CPNE4: variants seen among roughly 807,000 people sequenced by gnomAD.
The protein encoded by CPNE4 is copine 4, also known as copine-4.
In CPNE4, 25 loss-of-function variants were observed where a neutral mutation model predicts 67.9. The ratio of observed to expected loss-of-function variants is 0.37; its 90% CI spans 0.27 to 0.51. The LOEUF (loss-of-function observed/expected upper bound fraction) is 0.51. Among genes scored for constraint, CPNE4 ranks in the 20% least tolerant of loss-of-function variants. The probability of loss-of-function intolerance (pLI) is 0.93; values close to 1 mark genes in which losing one functional copy is unlikely to be tolerated. For synonymous variants in CPNE4, 242 were observed against 244.9 expected, an observed-to-expected ratio of 0.99 and a Z score of 0.11; for missense variants, 464 against 690.8, an observed-to-expected ratio of 0.67 and a Z score of 3.68.
At chr3:131,683,654 C>A (rs937302974) in intron 6 of CPNE4, among the ~76,000 whole-genome samples, 6 of 152,110 alleles carry the variant, frequency 3.9e-5, no homozygotes, top group African/African-American at 1.4e-4. Context: ...CCCTTGGTGA[C>A]TTTGGCTGGT....
chr3:131,876,360 C>T (rs1027174886), intron 2 of CPNE4, among the ~76,000 whole-genome samples: 4 of 151,504 alleles, frequency 2.6e-5, no homozygotes, highest in South Asian at 2.1e-4. Flanking sequence ...TTCTTTTTCT[C>T]GGCCGGGCGT....
At chr3:132,010,450 G>A (rs1337552828) in intron 1 of CPNE4, among the ~76,000 whole-genome samples, 2 of 151,852 alleles carry the variant, frequency 1.3e-5, no homozygotes, top group Non-Finnish European at 2.9e-5. Flanking sequence ...CTGAGTCGTG[G>A]CCTCTTTCTT....
intron 2 of CPNE4, among the ~76,000 whole-genome samples, chr3:131,885,689 G>A (rs2087855654): frequency 1.3e-5 from 2 of 151,536 alleles, no homozygotes; most frequent in Admixed American, 6.6e-5. Context: ...TATCCCTCCT[G>A]CTCCCCCCAC....
chr3:131,713,679 C>T (rs2081613782), intron 3 of CPNE4, among the ~76,000 whole-genome samples: 1 of 152,096 alleles, frequency 6.6e-6, no homozygotes, highest in Admixed American at 6.5e-5. Context: ...ACTCATGACT[C>T]CAATCCAGGA....
At chr3:131,872,117 A>G (rs2087236359) in intron 2 of CPNE4, among the ~76,000 whole-genome samples, 2 of 151,972 alleles carry the variant, frequency 1.3e-5, no homozygotes, top group African/African-American at 4.8e-5. Flanking sequence ...TCTCAGATGT[A>G]TTTGTCGGGG....
intron 1 of CPNE4, among the ~76,000 whole-genome samples, chr3:132,023,854 T>G (rs2074058630): frequency 6.6e-6 from 1 of 152,064 alleles, no homozygotes; most frequent in South Asian, 2.1e-4. Context: ...AAGAAGCCCT[T>G]GGGTTTAAAA....
At chr3:131,752,154 T>TG (rs775827943) in intron 2 of CPNE4, among the ~76,000 whole-genome samples, 4 of 152,130 alleles carry the variant, frequency 2.6e-5, no homozygotes, top group Admixed American at 1.3e-4. Context: ...TACCAGCCAG[T>TG]GGGGGTGAAA....
intron 1 of CPNE4, among the ~76,000 whole-genome samples, chr3:131,981,695 T>C (rs554369982): frequency 1.9e-4 from 29 of 152,314 alleles, no homozygotes; most frequent in African/African-American, 7.0e-4. Context: ...TCATCTCGCG[T>C]TGGATCACTG....
At chr3:131,685,640 G>A (rs142559967) in intron 6 of CPNE4, among the ~76,000 whole-genome samples, 39 of 152,198 alleles carry the variant, frequency 2.6e-4, no homozygotes, top group African/African-American at 8.4e-4. Flanking sequence ...AAATTAGCTC[G>A]GCGTGGTGGT....
intron 1 of CPNE4, among the ~76,000 whole-genome samples, chr3:131,953,250 A>AAAAATT (rs1560669180): frequency 7.0e-6 from 1 of 141,872 alleles, no homozygotes; most frequent in Admixed American, 7.2e-5. Context: ...AAAAAAAAAA[A>AAAAATT]AAAAAAAAAA....
intron 1 of CPNE4, among the ~76,000 whole-genome samples, chr3:131,957,229 A>G (rs1337150661): frequency 6.6e-6 from 1 of 152,226 alleles, no homozygotes; most frequent in African/African-American, 2.4e-5. Flanking sequence ...AACTGCAAAA[A>G]TAACAGTCCT....
intron 2 of CPNE4, among the ~76,000 whole-genome samples, chr3:131,893,097 C>T (rs2088181241): frequency 6.6e-6 from 1 of 151,866 alleles, no homozygotes; most frequent in Admixed American, 6.6e-5. Context: ...AGACTCACCT[C>T]ATTTTTAAAG....
At chr3:131,633,996 C>A (rs767192229) in intron 7 of CPNE4, among the ~76,000 whole-genome samples, 1 of 151,910 alleles carries the variant, frequency 6.6e-6, no homozygotes, top group Non-Finnish European at 1.5e-5. Context: ...TAATTATTTC[C>A]ATAGAACAAA....
At chr3:131,887,403 C>G (rs2087940380) in intron 2 of CPNE4, among the ~76,000 whole-genome samples, 1 of 152,126 alleles carries the variant, frequency 6.6e-6, no homozygotes, top group Non-Finnish European at 1.5e-5. Flanking sequence ...ATGTCTTTAT[C>G]AGCAGCATGA....
intron 2 of CPNE4, among the ~76,000 whole-genome samples, chr3:131,735,055 C>T (rs2082204939): frequency 6.6e-6 from 1 of 152,166 alleles, no homozygotes; most frequent in African/African-American, 2.4e-5. Context: ...AGGTCTAGGG[C>T]CCAGCACTTC....
intron 2 of CPNE4, among the ~76,000 whole-genome samples, chr3:131,723,875 A>G (rs548538825): frequency 6.6e-6 from 1 of 152,226 alleles, no homozygotes; most frequent in African/African-American, 2.4e-5. Flanking sequence ...AGTTTGCATT[A>G]TACAAAATTG....
chr3:131,682,798 G>A (rs752947089), intron 6 of CPNE4, among the ~76,000 whole-genome samples: 3 of 152,094 alleles, frequency 2.0e-5, no homozygotes, highest in Non-Finnish European at 4.4e-5. Flanking sequence ...GAAACCTTAG[G>A]ACTCTACCTC....
At chr3:131,760,029 C>A (rs2082849831) in intron 2 of CPNE4, among the ~76,000 whole-genome samples, 1 of 152,104 alleles carries the variant, frequency 6.6e-6, no homozygotes, top group African/African-American at 2.4e-5. Context: ...AATTCTTTGC[C>A]ATTGTGACCT....
intron 12 of CPNE4, 151 bp from the exon 13 acceptor site, chr3:131,552,642 A>G (rs1165318647): frequency 1.7e-6 from 1 of 591,414 alleles, no homozygotes; most frequent in African/African-American, 1.9e-5. Context: ...CCTTTACACA[A>G]TCAATATGAG....
Sources: allele counts gnomAD v4.1 joint callset (sites outside exome capture counted in the v4.1 genomes callset), GRCh38; gene constraint gnomAD v4.1.1; transcripts MANE v1.5; gene names NCBI Gene and HGNC (gene_info 2026-07-23, HGNC 2026-07-21).